AXDND1: variants seen among roughly 807,000 people sequenced by gnomAD.
AXDND1 encodes axonemal dynein light chain domain-containing protein 1.
AXDND1 carries 110 observed loss-of-function variants against 137.5 expected under a neutral mutation model. That is an observed-to-expected ratio of 0.80 (90% CI 0.69 to 0.94). AXDND1 has a LOEUF of 0.94. Ranked by LOEUF, AXDND1 falls within the 40% of genes least tolerant of loss-of-function variation. The pLI is 0.00. For synonymous variants in AXDND1, 414 were observed against 399.7 expected, an observed-to-expected ratio of 1.04 and a Z score of -0.43; for missense variants, 1,191 against 1,169.8, an observed-to-expected ratio of 1.02 and a Z score of -0.26.
At chr1:179,456,832 C>T (rs949944652) in intron 16 of AXDND1, 33 of 800,400 alleles carry the variant, frequency 4.1e-5, no homozygotes, top group Admixed American at 3.9e-4. Flanking sequence ...TGGCCATTCA[C>T]AGTATGCTAT....
chr1:179,462,576 G>A (rs1045489271), intron 16 of AXDND1, among the ~76,000 whole-genome samples: 7 of 152,122 alleles, frequency 4.6e-5, no homozygotes, highest in African/African-American at 1.4e-4. Flanking sequence ...GAGTTAGGGC[G>A]GATTCCCTCT....
At chr1:179,497,658 A>G (rs1256487288) in intron 20 of AXDND1, among the ~76,000 whole-genome samples, 1 of 152,156 alleles carries the variant, frequency 6.6e-6, no homozygotes, top group East Asian at 1.9e-4. Context: ...AGTGCTAGCC[A>G]GAGCAGTTAG....
At position 179,379,487 on chromosome 1, in the gene AXDND1, G is replaced by A. The variant is rs761812648; in HGVS notation, c.581+5G>A. 5 of 1,610,756 alleles carry A rather than the reference G, an allele frequency of 3.1e-6. No individual in the cohort carries two copies. Among genetic ancestry groups the A allele is most frequent in the African/African-American group, 1.3e-5 (1 of 74,294 alleles). ...AGGTTTGGAGTGTTATGATGAGTGA[G>A]TACTATGATATGTAAAAAATACCTG... On this transcript the variant is annotated splice_donor_5th_base_variant and intron_variant, in intron 6 of 25. Transcript: ENST00000367618.
chr1:179,429,634 T>C lies in AXDND1; in HGVS notation c.1332+15T>C. ...TATCAAACAAGGTAAAGGTCAATTATCTTCAGTTATGGGAAAAAAAGATGC... is the reference window on the plus strand; with the variant it reads ...TATCAAACAAGGTAAAGGTCAATTACCTTCAGTTATGGGAAAAAAAGATGC... On this transcript the variant is annotated intron_variant, in intron 13 of 25. Coordinates refer to ENST00000367618, the MANE Select transcript of AXDND1 (RefSeq NM_144696.6). The C allele has an allele frequency of 6.8e-7, 1 of 1,475,270 alleles. No homozygotes were observed. The highest frequency in any genetic ancestry group is 9.1e-7 in the Non-Finnish European group (1 of 1,096,332). The allele number at this position is 1,475,270 out of a possible 1,614,324, so 91.4% of individuals were successfully genotyped here. A position where few individuals can be genotyped will look rare whatever the true frequency, so the allele number is the denominator to read the frequency against.
rs1425410001 is a variant in AXDND1, at chr1:179,368,785, C to T, written c.98-15C>T. The T allele has an allele frequency of 1.3e-6, 2 of 1,583,472 alleles. No homozygotes were observed. The highest frequency in any genetic ancestry group is 1.4e-5 in the African/African-American group (1 of 72,792). Reference sequence around the variant, plus strand: ...AATATATAGTAAGAGTTTTTCTTTTCCACTACTTACTTAGGACTTCCTGAG... The same window carrying T: ...AATATATAGTAAGAGTTTTTCTTTTTCACTACTTACTTAGGACTTCCTGAG... On this transcript the variant is annotated splice_polypyrimidine_tract_variant and intron_variant, in intron 2 of 25. Transcript: ENST00000367618.
At chr1:179,464,081 T>C (rs1662770757) in intron 16 of AXDND1, among the ~76,000 whole-genome samples, 1 of 152,214 alleles carries the variant, frequency 6.6e-6, no homozygotes, top group Non-Finnish European at 1.5e-5. Flanking sequence ...AATTTGCCAG[T>C]CTGTGTCTTT....
At chr1:179,500,812 C>G (rs967997110) in intron 20 of AXDND1, among the ~76,000 whole-genome samples, 28 of 152,176 alleles carry the variant, frequency 1.8e-4, no homozygotes, top group African/African-American at 6.5e-4. Flanking sequence ...GCCGGGATTA[C>G]AGGCACAGGC....
chr1:179,532,850 A>C (rs1399102889), intron 23 of AXDND1: 2 of 152,226 alleles, frequency 1.3e-5, no homozygotes, highest in African/African-American at 4.8e-5. Flanking sequence ...GTGCCACTGC[A>C]CTGTAGCCTG....
chr1:179,532,247 C>A (rs1474690663), intron 23 of AXDND1, among the ~76,000 whole-genome samples: 1 of 152,162 alleles, frequency 6.6e-6, no homozygotes, highest in Non-Finnish European at 1.5e-5. Context: ...AAATTTATAT[C>A]TATTGACAGA....
At chr1:179,545,561 C>T (rs1479102454) in intron 25 of AXDND1, 2 of 152,128 alleles carry the variant, frequency 1.3e-5, no homozygotes, top group African/African-American at 4.8e-5. Flanking sequence ...ACAGCTGCTG[C>T]CTGACGGAAC....
chr1:179,507,068 A>G, intron 20 of AXDND1: 1 of 206,698 alleles, frequency 4.8e-6, no homozygotes, highest in Non-Finnish European at 8.5e-6. Context: ...CTGCTACAAT[A>G]GGCTTAACAT....
At chr1:179,491,971 T>G (rs1295018511) in intron 19 of AXDND1, among the ~76,000 whole-genome samples, 1 of 152,092 alleles carries the variant, frequency 6.6e-6, no homozygotes, top group South Asian at 2.1e-4. Flanking sequence ...GAGTAAGAAT[T>G]AGGAAAAAAG....
At chr1:179,553,912 ATTT>A (rs11422639) in intron 25 of AXDND1, among the ~76,000 whole-genome samples, 1 of 131,872 alleles carries the variant, frequency 7.6e-6, no homozygotes, top group Non-Finnish European at 1.6e-5. Flanking sequence ...CCCCTGGCTA[ATTT>A]TTTTTTTTTT....
intron 20 of AXDND1, chr1:179,507,050 T>G (rs142588600): frequency 3.9e-6 from 1 of 257,568 alleles, no homozygotes; most frequent in African/African-American, 2.3e-5. Flanking sequence ...TGTGGCCTTC[T>G]GTTTCTCCTG....
intron 9 of AXDND1, among the ~76,000 whole-genome samples, chr1:179,385,776 A>G (rs1571582776): frequency 6.6e-6 from 1 of 152,154 alleles, no homozygotes; most frequent in Admixed American, 6.5e-5. Context: ...GAGGCAGGTT[A>G]AGTAGGCTTA....
chr1:179,538,542 C>A (rs1047854386), intron 25 of AXDND1, among the ~76,000 whole-genome samples: 1 of 152,186 alleles, frequency 6.6e-6, no homozygotes, highest in Admixed American at 6.5e-5. Flanking sequence ...TTTGATTGCA[C>A]TGTGGTCTGA....
chr1:179,537,654 C>CT lies in AXDND1; in HGVS notation c.3031+2699dup, dbSNP rs547407870. 1.1e-4 allele frequency among the ~76,000 whole-genome samples: 16 copies of CT among 152,206 alleles called. No individual in the cohort carries two copies. In the East Asian group the frequency reaches 2.5e-3, roughly 24 times the overall value. On this transcript the variant is annotated intron_variant, in intron 25 of 25. Transcript: ENST00000367618. ...ATCAGGGATATTGGTCAAAAATTCTCTTTTTTTATTGTGTCTCTGCCAGAT... is the reference window on the plus strand; with the variant it reads ...ATCAGGGATATTGGTCAAAAATTCTCTTTTTTTTATTGTGTCTCTGCCAGAT...
At chr1:179,420,476 T>A (rs6690348) in intron 12 of AXDND1, among the ~76,000 whole-genome samples, 97,695 of 151,968 alleles carry the variant, frequency 0.64, 31,794 homozygotes, top group Middle Eastern at 0.7. Flanking sequence ...ATTCCTTCCT[T>A]TTCAAATTTT....
intron 9 of AXDND1, among the ~76,000 whole-genome samples, chr1:179,387,891 A>T (rs11801919): frequency 0.29 from 44,325 of 151,982 alleles, 6,674 homozygotes; most frequent in Non-Finnish European, 0.31. Context: ...GTTTTCTCAC[A>T]TTTATGCCCT....
Sources: allele counts gnomAD v4.1 joint callset (sites outside exome capture counted in the v4.1 genomes callset), GRCh38; gene constraint gnomAD v4.1.1; transcripts MANE v1.5; gene names NCBI Gene and HGNC (gene_info 2026-07-23, HGNC 2026-07-21).